NLRP13: variants seen among roughly 807,000 people sequenced by gnomAD.
NLRP13 encodes NLR family pyrin domain containing 13, also known as NACHT, LRR and PYD domains-containing protein 13.
A neutral mutation model predicts 94.4 loss-of-function variants in NLRP13; 82 were observed. That is an observed-to-expected ratio of 0.87 (90% CI 0.73 to 1.04). The LOEUF is 1.04. NLRP13 is among the 50% of genes least tolerant of loss of function. The pLI, the probability that NLRP13 is intolerant of heterozygous loss-of-function variation, is 0.00. For missense variants in NLRP13, 1,426 were observed against 1,230.8 expected, an observed-to-expected ratio of 1.16 and a Z score of -2.37; for synonymous variants, 553 against 464.7, an observed-to-expected ratio of 1.19 and a Z score of -2.45.
At position 55,924,169 on chromosome 19, in the gene NLRP13, C is replaced by G. The variant is rs1193427097; in HGVS notation, c.458-190G>C. ...ATGGAGTCTCACTCTGTTGCCCACG[C>G]TAGAGTGCAGTGGTACCATCTTGGC... On this transcript the variant is annotated intron_variant, in intron 3 of 10. Transcript: ENST00000342929. Among the ~76,000 whole-genome samples the G allele has an allele frequency of 9.9e-5, 15 of 152,166 alleles. 1 individual carries two copies.
intron 4 of NLRP13, among the ~76,000 whole-genome samples, chr19:55,922,503 T>C (rs1045388760): frequency 6.6e-6 from 1 of 152,092 alleles, no homozygotes; most frequent in Admixed American, 6.5e-5. Context: ...AATTTTTGTA[T>C]TTTTAGTATA....
intron 7 of NLRP13, among the ~76,000 whole-genome samples, chr19:55,907,089 G>C (rs148590587): frequency 0.012 from 1,792 of 152,188 alleles, 31 homozygotes; most frequent in African/African-American, 0.04. Context: ...CTCCTGAGTA[G>C]CTGAGATTAC....
rs377589095 is a variant in NLRP13 at position 55,918,707 on chromosome 19, G to A, written c.523+5207C>T. On this transcript the variant is annotated intron_variant, in intron 4 of 10. Transcript: ENST00000342929. ...TAAATCCTGAACAGATCAACAACAA[G>A]GAGTGAGTGAATCAGTAATTTAAAA... Among the ~76,000 whole-genome samples, 12 of 152,072 alleles carry A rather than the reference G, an allele frequency of 7.9e-5. No homozygotes were observed. The East Asian group carries it at 1.7e-3, about 22-fold the overall frequency.
chr19:55,931,653 G>A (rs960793719), intron 1 of NLRP13, among the ~76,000 whole-genome samples: 2 of 134,514 alleles, frequency 1.5e-5, no homozygotes, highest in African/African-American at 5.4e-5. Context: ...AGGTTACAGT[G>A]ACCTCAGATC....
chr19:55,899,076 G>C, intron 9 of NLRP13, 139 bp from the exon 10 acceptor site: 1 of 880,068 alleles, frequency 1.1e-6, no homozygotes, highest in Non-Finnish European at 1.7e-6. Flanking sequence ...AAGGAGGAGG[G>C]TGCGAGTCAG....
chr19:55,925,551 T>C (rs1447761518), intron 1 of NLRP13, among the ~76,000 whole-genome samples: 1 of 152,130 alleles, frequency 6.6e-6, no homozygotes, highest in Non-Finnish European at 1.5e-5. Flanking sequence ...GAGAAGCCAC[T>C]CTAATATCTT....
At chr19:55,920,309 A>G (rs1311034666) in intron 4 of NLRP13, among the ~76,000 whole-genome samples, 3 of 152,218 alleles carry the variant, frequency 2.0e-5, no homozygotes, top group African/African-American at 7.2e-5. Flanking sequence ...AAATGCAAGA[A>G]AAACAAAAAT....
In NLRP13 at chr19:55,912,960, G is replaced by T. The variant is rs766031545; in HGVS notation, c.857C>A (p.Ser286Tyr). ...GGCATCAAAATCGGGCCAATCCAAA[G>T]AAATCAATTCAGCAAAGGTAGTTTC... ...MKETTFAELI[S>Y]LDWPDFDAPI... The change falls in exon 5 of 11, where the codon TCT becomes TAT. Residue 286 changes from serine to tyrosine, a missense_variant. Physicochemically the swap from Ser to Tyr is moderately radical, Grantham distance 144. Coordinates refer to ENST00000342929, the MANE Select transcript of NLRP13 (RefSeq NM_176810.2). The T allele has an allele frequency of 6.2e-6, 10 of 1,614,038 alleles. No homozygotes were observed. The highest frequency in any genetic ancestry group is 2.2e-5 in the South Asian group (2 of 91,078).
chr19:55,924,116 G>C, intron 3 of NLRP13, 137 bp from the exon 4 acceptor site: 1 of 676,766 alleles, frequency 1.5e-6, no homozygotes, highest in Non-Finnish European at 2.6e-6. Context: ...AGCATGCCCA[G>C]TTTATATTTT....
chr19:55,891,939 G>C, downstream of NLRP13: 1 of 412,274 alleles, frequency 2.4e-6, no homozygotes, highest in Non-Finnish European at 4.2e-6. Flanking sequence ...CACAGGCCAG[G>C]ATGTCCTGGT....
chr19:55,916,205 C>A (rs1986669689), intron 4 of NLRP13, among the ~76,000 whole-genome samples: 1 of 152,096 alleles, frequency 6.6e-6, no homozygotes, highest in Non-Finnish European at 1.5e-5. Context: ...ATAGTCACAT[C>A]CTCAAGGGAA....
chr19:55,920,522 T>C (rs912257778), intron 4 of NLRP13, among the ~76,000 whole-genome samples: 1 of 151,112 alleles, frequency 6.6e-6, no homozygotes, highest in Non-Finnish European at 1.5e-5. Flanking sequence ...AAAGAAGACA[T>C]AGAAGTAGTC....
At chr19:55,905,755 G>A (rs2054322752) in intron 7 of NLRP13, among the ~76,000 whole-genome samples, 1 of 152,074 alleles carries the variant, frequency 6.6e-6, no homozygotes, top group African/African-American at 2.4e-5. Context: ...GTGCATTACA[G>A]GATGTCAATA....
intron 4 of NLRP13, among the ~76,000 whole-genome samples, chr19:55,921,362 T>C (rs1986821222): frequency 6.6e-6 from 1 of 152,242 alleles, no homozygotes; most frequent in Non-Finnish European, 1.5e-5. Context: ...GGATGATATT[T>C]TGTTACAGCC....
chr19:55,911,568 A>G, intron 5 of NLRP13, 138 bp downstream of exon 5: 1 of 769,446 alleles, frequency 1.3e-6, no homozygotes, highest in East Asian at 2.5e-5. Context: ...CTTTCAAGTT[A>G]GAGCTGCTCC....
At chr19:55,917,442 A>C (rs989983978) in intron 4 of NLRP13, among the ~76,000 whole-genome samples, 1 of 152,098 alleles carries the variant, frequency 6.6e-6, no homozygotes, top group Non-Finnish European at 1.5e-5. Flanking sequence ...ATTAACCTTC[A>C]ATATACATGG....
intron 8 of NLRP13, among the ~76,000 whole-genome samples, chr19:55,903,578 T>C (rs1315703400): frequency 6.6e-6 from 1 of 151,994 alleles, no homozygotes; most frequent in African/African-American, 2.4e-5. Flanking sequence ...TCACGTAACA[T>C]CTCTGAATGG....
At position 55,912,722 on chromosome 19, in the gene NLRP13, G is replaced by C; in HGVS notation, c.1095C>G (p.Thr365=). The C allele has an allele frequency of 6.2e-7, 1 of 1,614,130 alleles. No individual in the cohort carries two copies. The change falls in exon 5 of 11, where the codon ACC becomes ACG. Residue 365 remains threonine, a synonymous_variant. Coordinates refer to ENST00000342929, the MANE Select transcript of NLRP13 (RefSeq NM_176810.2). The stretch of plus-strand genomic sequence containing the variant: ...AGGCCTTAAGATCTCTCACAAACCA[G>C]GTCTTGATCGTGATCAGTAAGGTAG... ...PLATLLITIK[T]WFVRDLKASL...
At chr19:55,896,845 A>AAAG (rs71182930) in intron 10 of NLRP13, among the ~76,000 whole-genome samples, 2 of 142,604 alleles carry the variant, frequency 1.4e-5, no homozygotes, top group Admixed American at 1.4e-4. Flanking sequence ...AAAAAAAAAA[A>AAAG]TGGAAAAGAG....
Sources: allele counts gnomAD v4.1 joint callset (sites outside exome capture counted in the v4.1 genomes callset), GRCh38; gene constraint gnomAD v4.1.1; transcripts MANE v1.5; gene names NCBI Gene and HGNC (gene_info 2026-07-23, HGNC 2026-07-21).